The following SYCP2L variants were observed in gnomAD, a reference collection of about 807,000 sequenced individuals.
The protein encoded by SYCP2L is synaptonemal complex protein 2 like, also known as synaptonemal complex protein 2-like.
A neutral mutation model predicts 125.8 loss-of-function variants in SYCP2L; 98 were observed. The observed-to-expected ratio is 0.78, with a 90% CI of 0.66 to 0.92. The LOEUF is 0.92. Ranked by LOEUF, SYCP2L falls within the 40% of genes least tolerant of loss-of-function variation. The pLI is 0.00. For missense variants in SYCP2L, 842 were observed against 936.4 expected (o/e 0.90, Z 1.32); for synonymous variants, 317 against 325.4 (o/e 0.97, Z 0.28).
intron 23 of SYCP2L, among the ~76,000 whole-genome samples, chr6:10,953,656 T>C (rs1331377697): frequency 2.6e-5 from 4 of 152,230 alleles, no homozygotes; most frequent in East Asian, 3.8e-4. Context: ...CAAATGTTTA[T>C]TGAGTGTCTA....
chr6:10,891,250 T>TC (rs1780166354), intron 1 of SYCP2L, among the ~76,000 whole-genome samples: 1 of 152,238 alleles, frequency 6.6e-6, no homozygotes, highest in Non-Finnish European at 1.5e-5. Flanking sequence ...GATTATTTAT[T>TC]CAAATGATGT....
At chr6:10,925,933 T>C (rs1390800542) in intron 15 of SYCP2L, among the ~76,000 whole-genome samples, 2 of 152,156 alleles carry the variant, frequency 1.3e-5, no homozygotes, top group Admixed American at 6.5e-5. Flanking sequence ...AAAGCTGTAG[T>C]TCCTAGAATA....
At position 10,910,187 on chromosome 6, in the gene SYCP2L, G is replaced by C. The variant is rs1473156694; in HGVS notation, c.859G>C (p.Gly287Arg). 11 of 1,613,448 alleles carry C rather than the reference G, an allele frequency of 6.8e-6. No individual in the cohort carries two copies. The East Asian group carries it at 2.0e-4, about 29-fold the overall frequency. ...TCTCAATCACCTAAACAACAGACTTGGTGACCAAAGAAGGTAAGTTGTGTC... is the reference window on the plus strand; with the variant it reads ...TCTCAATCACCTAAACAACAGACTTCGTGACCAAAGAAGGTAAGTTGTGTC... ...RFLNHLNNRL[G>R]DQRRVYSFPC... The change falls in exon 11 of 30, where the codon GGT becomes CGT. Residue 287 changes from glycine to arginine, a missense_variant. Physicochemically the swap from Gly to Arg is moderately radical, Grantham distance 125. Coordinates refer to ENST00000283141, the MANE Select transcript of SYCP2L (RefSeq NM_001040274.3).
Position 10,931,459 on chromosome 6 carries a change from C to G in SYCP2L, c.1653C>G (p.Pro551=), listed in dbSNP as rs757318578. ...SNLRILPVFP[P]SSGSGHEKDQ... ...ATTTAGTCTTGCCAGTTTTCCCTCCCAGTAGTGGCAGTGGCCATGAGAAAG... is the reference window on the plus strand; with the variant it reads ...ATTTAGTCTTGCCAGTTTTCCCTCCGAGTAGTGGCAGTGGCCATGAGAAAG... The change falls in exon 20 of 30, where the codon CCC becomes CCG. Residue 551 remains proline, a synonymous_variant. Coordinates refer to ENST00000283141, the MANE Select transcript of SYCP2L (RefSeq NM_001040274.3). 7.4e-6 allele frequency: 12 copies of G among 1,613,940 alleles called. No individual in the cohort carries two copies. The African/African-American group carries it at 1.5e-4, about 20-fold the overall frequency.
rs181474716 is a variant in SYCP2L, at chr6:10,903,682, C to T, written c.641+719C>T. 3.1e-3 allele frequency among the ~76,000 whole-genome samples: 466 copies of T among 151,936 alleles called. 4 individuals are homozygous for T. The highest frequency in any genetic ancestry group is 0.01 in the African/African-American group (417 of 41,434). On this transcript the variant is annotated intron_variant, in intron 8 of 29. Transcript: ENST00000283141. ...AGGAGAATCGCTTGAACCCAGGAGG[C>T]GGAGGTTGCAGTGAGCTGAGATTGC...
intron 1 of SYCP2L, 78 bp from the exon 2 acceptor site, chr6:10,891,435 T>TTC: frequency 1.2e-6 from 1 of 860,570 alleles, no homozygotes; most frequent in Non-Finnish European, 1.7e-6. Context: ...TTTTTTTTTT[T>TTC]TTTGCTTTGT....
At chr6:10,902,987 G>C in intron 8 of SYCP2L, 24 bp downstream of exon 8, 1 of 1,591,172 alleles carries the variant, frequency 6.3e-7, no homozygotes, top group Non-Finnish European at 8.6e-7. Context: ...TATAAGTTAC[G>C]TGCTGTAGTA....
intron 8 of SYCP2L, among the ~76,000 whole-genome samples, chr6:10,904,868 G>T (rs891496908): frequency 1.3e-5 from 2 of 152,058 alleles, no homozygotes; most frequent in African/African-American, 4.8e-5. Context: ...GGGCATGGTG[G>T]CTCACACCTG....
chr6:10,887,706 G>C (rs11961929), intron 1 of SYCP2L, among the ~76,000 whole-genome samples: 2,754 of 152,250 alleles, frequency 0.018, 91 homozygotes, highest in African/African-American at 0.063. Context: ...GATGTAATTG[G>C]TCTACGGTGG....
intron 29 of SYCP2L, among the ~76,000 whole-genome samples, 155 bp from the exon 30 acceptor site, chr6:10,973,797 A>G (rs533456786): frequency 2.0e-5 from 3 of 152,354 alleles, no homozygotes; most frequent in Non-Finnish European, 2.9e-5. Context: ...TGAGCTTTTG[A>G]CAACCATGTA....
At chr6:10,902,253 T>G (rs1388444800) in intron 6 of SYCP2L, among the ~76,000 whole-genome samples, 1 of 152,202 alleles carries the variant, frequency 6.6e-6, no homozygotes, top group African/African-American at 2.4e-5. Context: ...CTGTCACATC[T>G]TTGTTTTTAT....
intron 15 of SYCP2L, 64 bp downstream of exon 15, chr6:10,924,705 G>A (rs1053929972): frequency 1.5e-6 from 2 of 1,334,060 alleles, no homozygotes; most frequent in Non-Finnish European, 1.9e-6. Context: ...TCTATTAAAT[G>A]TCCTTGTTGG....
At chr6:10,905,975 CTT>C in intron 8 of SYCP2L, 43 bp from the exon 9 acceptor site, 1 of 1,395,042 alleles carries the variant, frequency 7.2e-7, no homozygotes, top group Non-Finnish European at 1.0e-6. Context: ...AGTTTTACCT[CTT>C]GATGTTCACT....
chr6:10,923,920 G>A (rs1211091603), intron 14 of SYCP2L, among the ~76,000 whole-genome samples: 10 of 151,870 alleles, frequency 6.6e-5, no homozygotes, highest in South Asian at 4.1e-4. Context: ...TCCTGACCTC[G>A]TGATCCACCC....
intron 14 of SYCP2L, among the ~76,000 whole-genome samples, chr6:10,923,189 TTC>T (rs1227251276): frequency 1.3e-5 from 2 of 152,106 alleles, no homozygotes; most frequent in Admixed American, 1.3e-4. Flanking sequence ...GCTTTGCCTG[TTC>T]TTTCCTGGAC....
chr6:10,907,588 G>A lies in SYCP2L; in HGVS notation c.723G>A (p.Thr241=), dbSNP rs756026362. 1.1e-5 allele frequency: 18 copies of A among 1,613,668 alleles called. No homozygotes were observed. Among genetic ancestry groups the A allele is most frequent in the East Asian group, 8.9e-5 (4 of 44,882 alleles). ...VAISEALCRL[T]IKKSRDELVH... is the part of the protein sequence containing the mutation. ...TTTCTGAAGCGCTGTGTAGACTGAC[G>A]ATTAAAAAATCAAGGGATGAACTTG... The change falls in exon 10 of 30, where the codon ACG becomes ACA. Residue 241 remains threonine, a synonymous_variant. Coordinates refer to ENST00000283141, the MANE Select transcript of SYCP2L (RefSeq NM_001040274.3).
chr6:10,948,355 T>G (rs1010337836), intron 23 of SYCP2L, among the ~76,000 whole-genome samples: 1 of 152,134 alleles, frequency 6.6e-6, no homozygotes, highest in Admixed American at 6.6e-5. Context: ...TCCCAACCCC[T>G]TGATTCCTGG....
rs1193053650 is a variant in SYCP2L, at chr6:10,962,261, T to A, written c.2414+703T>A. Among the ~76,000 whole-genome samples the A allele has an allele frequency of 2.0e-5, 3 of 152,220 alleles. 1 individual carries two copies. The highest frequency in any genetic ancestry group is 7.2e-5 in the African/African-American group (3 of 41,456). ...AAGGCACATGGTTTTAGGAAGGATA[T>A]TCTTCCTAAAACCTATGCATATATT... On this transcript the variant is annotated intron_variant, in intron 28 of 29. Transcript: ENST00000283141.
chr6:10,934,028 G>A (rs1056931995), intron 20 of SYCP2L, among the ~76,000 whole-genome samples: 1 of 152,148 alleles, frequency 6.6e-6, no homozygotes, highest in Non-Finnish European at 1.5e-5. Flanking sequence ...ATAGAATAGA[G>A]GCAGGTAGAG....
Sources: gnomAD v4.1 joint callset for allele counts (sites outside exome capture counted in the v4.1 genomes callset) on GRCh38, gnomAD v4.1.1 for gene constraint, MANE v1.5 for transcripts, NCBI Gene and HGNC (gene_info 2026-07-23, HGNC 2026-07-21) for gene names.